ARHGAP6: variants seen among roughly 807,000 people sequenced by gnomAD.
ARHGAP6 encodes the protein Rho GTPase activating protein 6.
Under a neutral mutation model 55.7 loss-of-function variants are expected in ARHGAP6, and 16 were observed. That is an observed-to-expected ratio of 0.29 (90% CI 0.19 to 0.44). ARHGAP6 has a LOEUF of 0.44. ARHGAP6 is among the 20% of genes least tolerant of loss of function. The pLI, the probability that ARHGAP6 is intolerant of heterozygous loss-of-function variation, is 1.00. For missense variants in ARHGAP6, 698 were observed against 808.9 expected (o/e 0.86, Z 1.66); for synonymous variants, 382 against 360.9 (o/e 1.06, Z -0.66).
intron 1 of ARHGAP6, among the ~76,000 whole-genome samples, chrX:11,445,928 A>T (rs1208762509): frequency 9.0e-6 from 1 of 111,236 alleles, no homozygotes; most frequent in African/African-American, 3.3e-5. Context: ...CATGAACCTT[A>T]TGCCCTGTGG....
At chrX:11,479,549 T>G (rs2050435674) in intron 1 of ARHGAP6, among the ~76,000 whole-genome samples, 1 of 112,138 alleles carries the variant, frequency 8.9e-6, no homozygotes, top group Admixed American at 9.5e-5. Context: ...CAGGGCTGGC[T>G]TCATGGGTTC....
intron 1 of ARHGAP6, among the ~76,000 whole-genome samples, chrX:11,407,206 G>A (rs760322453): frequency 1.9e-4 from 21 of 111,386 alleles, no homozygotes; most frequent in Admixed American, 1.3e-3. Flanking sequence ...CCATGGATTT[G>A]CCTATTCTGG....
At chrX:11,426,763 C>T (rs755181779) in intron 1 of ARHGAP6, among the ~76,000 whole-genome samples, 1 of 109,157 alleles carries the variant, frequency 9.2e-6, no homozygotes, top group Non-Finnish European at 1.9e-5. Context: ...AGAATATACT[C>T]ATCTAGTATC....
intron 1 of ARHGAP6, among the ~76,000 whole-genome samples, chrX:11,483,996 C>A (rs1263515310): frequency 8.9e-6 from 1 of 111,737 alleles, no homozygotes; most frequent in Non-Finnish European, 1.9e-5. Flanking sequence ...AATAATAATT[C>A]CTATTATGCA....
chrX:11,153,894 T>G (rs182555625), intron 10 of ARHGAP6, among the ~76,000 whole-genome samples: 1 of 110,936 alleles, frequency 9.0e-6, no homozygotes, highest in African/African-American at 3.3e-5. Context: ...GCATGTGCCA[T>G]GTTGGTGTGC....
chrX:11,538,962 C>G (rs1251134817), intron 1 of ARHGAP6, among the ~76,000 whole-genome samples: 1 of 108,846 alleles, frequency 9.2e-6, no homozygotes, highest in Non-Finnish European at 1.9e-5. Flanking sequence ...TCAAGGGATT[C>G]TCACGTCTCA....
chrX:11,559,698 A>T (rs1261139678), intron 1 of ARHGAP6, among the ~76,000 whole-genome samples: 4 of 110,262 alleles, frequency 3.6e-5, no homozygotes, highest in Non-Finnish European at 7.6e-5. Flanking sequence ...GAGGCCGAGG[A>T]GGGTGGATCA....
At chrX:11,181,658 G>A (rs1015030757) in intron 6 of ARHGAP6, among the ~76,000 whole-genome samples, 1 of 112,441 alleles carries the variant, frequency 8.9e-6, no homozygotes, top group Non-Finnish European at 1.9e-5. Context: ...ATAAAGTAAA[G>A]CTATAAACAT....
At chrX:11,387,613 T>C (rs2147732426) in intron 1 of ARHGAP6, among the ~76,000 whole-genome samples, 1 of 111,925 alleles carries the variant, frequency 8.9e-6, no homozygotes, top group African/African-American at 3.3e-5. Context: ...GCAAGTTTGT[T>C]ACATATGTAT....
At chrX:11,585,463 T>C (rs1001317748) in intron 1 of ARHGAP6, among the ~76,000 whole-genome samples, 13 of 112,349 alleles carry the variant, frequency 1.2e-4, no homozygotes, top group African/African-American at 4.2e-4. Flanking sequence ...TTTTTAGTAA[T>C]AGCCATTCTG....
chrX:11,345,600 G>C (rs1603106159), intron 1 of ARHGAP6, among the ~76,000 whole-genome samples: 1 of 111,817 alleles, frequency 8.9e-6, no homozygotes, highest in East Asian at 2.8e-4. Context: ...TTTTCTTGGT[G>C]CCAGGTGACT....
intron 2 of ARHGAP6, among the ~76,000 whole-genome samples, chrX:11,207,174 C>T (rs1377360612): frequency 7.5e-5 from 8 of 106,770 alleles, no homozygotes; most frequent in Admixed American, 5.0e-4. Context: ...TCACTGTACT[C>T]GTTGTTATTC....
At chrX:11,289,412 G>A (rs1003205718) in intron 1 of ARHGAP6, among the ~76,000 whole-genome samples, 1 of 111,379 alleles carries the variant, frequency 9.0e-6, no homozygotes, top group Non-Finnish European at 1.9e-5. Flanking sequence ...TTATTTAAAA[G>A]AAATAAATTT....
chrX:11,623,676 G>A (rs1407156317), intron 1 of ARHGAP6, among the ~76,000 whole-genome samples: 1 of 93,641 alleles, frequency 1.1e-5, no homozygotes, highest in Non-Finnish European at 2.1e-5. Flanking sequence ...CAGCCTGGGC[G>A]ACGGAGTGAG....
chrX:11,397,490 T>C (rs2049491359), intron 1 of ARHGAP6, among the ~76,000 whole-genome samples: 1 of 111,603 alleles, frequency 9.0e-6, no homozygotes, highest in Non-Finnish European at 1.9e-5. Flanking sequence ...TAATGTATGG[T>C]ATAGATAATC....
At chrX:11,384,612 T>G (rs1007501911) in intron 1 of ARHGAP6, among the ~76,000 whole-genome samples, 3 of 112,244 alleles carry the variant, frequency 2.7e-5, no homozygotes, top group Non-Finnish European at 3.8e-5. Flanking sequence ...GACAATACAA[T>G]GTTGCATAGG....
chrX:11,431,235 T>C (rs2049938005), intron 1 of ARHGAP6, among the ~76,000 whole-genome samples: 1 of 112,475 alleles, frequency 8.9e-6, no homozygotes, highest in African/African-American at 3.2e-5. Flanking sequence ...CTGTATGAGT[T>C]ACTCTACTAG....
intron 1 of ARHGAP6, among the ~76,000 whole-genome samples, chrX:11,470,793 A>T (rs1225831590): frequency 1.8e-5 from 2 of 112,009 alleles, no homozygotes; most frequent in African/African-American, 6.5e-5. Flanking sequence ...GCAGTGGCTC[A>T]GGGCTTCACA....
intron 1 of ARHGAP6, among the ~76,000 whole-genome samples, chrX:11,280,531 T>C (rs1471898297): frequency 9.0e-6 from 1 of 110,506 alleles, no homozygotes; most frequent in Non-Finnish European, 1.9e-5. Flanking sequence ...ATAATGGTAA[T>C]AGCAAAGGGG....
Sources: allele counts gnomAD v4.1 joint callset (sites outside exome capture counted in the v4.1 genomes callset), GRCh38; gene constraint gnomAD v4.1.1; transcripts MANE v1.5; gene names NCBI Gene and HGNC (gene_info 2026-07-23, HGNC 2026-07-21).